RORA: variants seen among roughly 807,000 people sequenced by gnomAD.
The protein encoded by RORA is nuclear receptor ROR-alpha.
A neutral mutation model predicts 69.5 loss-of-function variants in RORA; 7 were observed. The observed-to-expected ratio is 0.10, with a 90% CI of 0.06 to 0.19. The LOEUF (loss-of-function observed/expected upper bound fraction) is 0.19. RORA is among the 10% of genes least tolerant of loss of function. The pLI is 1.00. For synonymous variants in RORA, 261 were observed against 240.8 expected (o/e 1.08, Z -0.78); for missense variants, 457 against 663.0 (o/e 0.69, Z 3.41).
intron 1 of RORA, among the ~76,000 whole-genome samples, chr15:61,075,677 T>C (rs995225437): frequency 3.3e-5 from 5 of 152,100 alleles, no homozygotes; most frequent in Non-Finnish European, 7.4e-5. Flanking sequence ...TCTAATGAGG[T>C]TAATGGATTT....
intron 1 of RORA, among the ~76,000 whole-genome samples, chr15:60,936,140 CAAT>C (rs1366842872): frequency 2.6e-5 from 4 of 152,176 alleles, no homozygotes; most frequent in African/African-American, 9.7e-5. Context: ...AGCAGAAAAA[CAAT>C]GATGCTAGGA....
intron 1 of RORA, among the ~76,000 whole-genome samples, chr15:61,223,499 T>A (rs2080117950): frequency 6.6e-6 from 1 of 151,368 alleles, no homozygotes; most frequent in African/African-American, 2.4e-5. Flanking sequence ...TAACAAAACA[T>A]ACTGATATTG....
chr15:60,548,369 C>G (rs28544431), intron 2 of RORA, among the ~76,000 whole-genome samples: 2 of 152,058 alleles, frequency 1.3e-5, no homozygotes, highest in African/African-American at 2.4e-5. Context: ...ATTTCCCCGC[C>G]GAGACCATGA....
At chr15:60,955,343 T>G (rs1484798077) in intron 1 of RORA, among the ~76,000 whole-genome samples, 1 of 152,208 alleles carries the variant, frequency 6.6e-6, no homozygotes, top group East Asian at 1.9e-4. Flanking sequence ...GTGTATGTGT[T>G]ATTCAAGATT....
chr15:61,035,127 A>C (rs906117902), intron 1 of RORA, among the ~76,000 whole-genome samples: 2 of 152,190 alleles, frequency 1.3e-5, no homozygotes, highest in East Asian at 3.8e-4. Context: ...GATTTATTCC[A>C]TAATGCTTAC....
chr15:60,711,877 A>G (rs1182747499), intron 1 of RORA, among the ~76,000 whole-genome samples: 1 of 152,192 alleles, frequency 6.6e-6, no homozygotes, highest in Non-Finnish European at 1.5e-5. Context: ...AAATTATATG[A>G]TAATAAAACA....
intron 1 of RORA, among the ~76,000 whole-genome samples, chr15:60,945,835 G>A (rs1256192834): frequency 6.6e-6 from 1 of 152,210 alleles, no homozygotes; most frequent in Admixed American, 6.5e-5. Flanking sequence ...TTGGCCAGAA[G>A]AGCCAGAAGC....
At chr15:60,962,357 T>C (rs1442705143) in intron 1 of RORA, among the ~76,000 whole-genome samples, 2 of 152,184 alleles carry the variant, frequency 1.3e-5, no homozygotes, top group East Asian at 1.9e-4. Context: ...TTAGTGCAGA[T>C]GGATGGAAAT....
At chr15:61,196,044 C>T (rs1254897790) in intron 1 of RORA, 1 of 152,210 alleles carries the variant, frequency 6.6e-6, no homozygotes, top group African/African-American at 2.4e-5. Context: ...GACAAAATGA[C>T]TTGGCCCCTA....
intron 1 of RORA, among the ~76,000 whole-genome samples, chr15:61,066,973 G>A (rs1379713553): frequency 2.0e-5 from 3 of 151,180 alleles, no homozygotes; most frequent in African/African-American, 7.3e-5. Flanking sequence ...CTGCATTAAA[G>A]GTACGATTGT....
At chr15:60,886,013 A>G (rs1240934400) in intron 1 of RORA, among the ~76,000 whole-genome samples, 9 of 152,190 alleles carry the variant, frequency 5.9e-5, no homozygotes, top group Admixed American at 5.9e-4. Flanking sequence ...TTTCCTAGGG[A>G]ATCACTTCCC....
At chr15:60,855,557 G>A (rs77211344) in intron 1 of RORA, among the ~76,000 whole-genome samples, 3,860 of 152,270 alleles carry the variant, frequency 0.025, 61 homozygotes, top group Middle Eastern at 0.065. Flanking sequence ...AGATACCAGA[G>A]GGTGAATGTG....
intron 1 of RORA, among the ~76,000 whole-genome samples, chr15:60,703,365 A>G (rs965856634): frequency 6.6e-6 from 1 of 152,194 alleles, no homozygotes; most frequent in Admixed American, 6.5e-5. Context: ...ATATAGCACT[A>G]AGATGTGTTA....
At position 61,091,649 on chromosome 15, in the gene RORA, C is replaced by T. The variant is rs566997608; in HGVS notation, c.166+137404G>A. Among the ~76,000 whole-genome samples the T allele has an allele frequency of 2.6e-5, 4 of 152,302 alleles. No individual in the cohort carries two copies. The East Asian group carries it at 7.7e-4, about 29-fold the overall frequency. On this transcript the variant is annotated intron_variant, in intron 1 of 10. Transcript: ENST00000335670. ...TAATAGATTGACTACAGGAAGCATT[C>T]GCATGATGCTCTTTATTTATCCACA...
chr15:61,036,751 T>C (rs2140458911), intron 1 of RORA, among the ~76,000 whole-genome samples: 1 of 129,584 alleles, frequency 7.7e-6, no homozygotes, highest in East Asian at 2.1e-4. Flanking sequence ...TCAAAGAGAG[T>C]GTTCACCCTA....
intron 1 of RORA, chr15:60,736,624 G>A (rs1043911445): frequency 6.6e-6 from 1 of 152,198 alleles, no homozygotes; most frequent in Non-Finnish European, 1.5e-5. Context: ...GTGTAAGTCT[G>A]TTTGTGTGGC....
rs117142458 is a variant in RORA at position 61,016,896 on chromosome 15, T to C, written c.166+212157A>G. Among the ~76,000 whole-genome samples, 933 of 152,214 alleles carry C rather than the reference T, an allele frequency of 6.1e-3. 7 individuals carry two copies. The highest frequency in any genetic ancestry group is 0.02 in the Middle Eastern group (6 of 294). ...AAACCTGATTTCATTAAGTGAGACC[T>C]GGAAATAAGGTTGCCCCATATATAC... On this transcript the variant is annotated intron_variant, in intron 1 of 10. Coordinates refer to ENST00000335670, the MANE Select transcript of RORA (RefSeq NM_134261.3).
intron 1 of RORA, among the ~76,000 whole-genome samples, chr15:61,095,234 C>T (rs867753351): frequency 1.3e-5 from 2 of 152,026 alleles, no homozygotes; most frequent in Admixed American, 6.6e-5. Context: ...AGGTGGGCGG[C>T]TGCTGCAATG....
intron 1 of RORA, among the ~76,000 whole-genome samples, chr15:60,770,593 T>C (rs1205832825): frequency 2.0e-5 from 3 of 152,056 alleles, no homozygotes; most frequent in Non-Finnish European, 4.4e-5. Flanking sequence ...GTAGGATGAG[T>C]GAGGTTTCGT....
Sources: gnomAD v4.1 joint callset for allele counts (sites outside exome capture counted in the v4.1 genomes callset) on GRCh38, gnomAD v4.1.1 for gene constraint, MANE v1.5 for transcripts, NCBI Gene and HGNC (gene_info 2026-07-23, HGNC 2026-07-21) for gene names.